Variants in EGFL6 observed in about 807,000 individuals in gnomAD.
The protein encoded by EGFL6 is EGF like domain multiple 6, also known as epidermal growth factor-like protein 6.
In EGFL6, 42 loss-of-function variants were observed where a neutral mutation model predicts 43.1. The ratio of observed to expected loss-of-function variants is 0.98; its 90% CI spans 0.76 to 1.26. The LOEUF is 1.26. EGFL6 is among the 50% of genes most tolerant of loss of function. EGFL6 has a pLI of 0.00. For synonymous variants in EGFL6, 164 were observed against 163.2 expected, an observed-to-expected ratio of 1.01 and a Z score of -0.04; for missense variants, 429 against 427.8, an observed-to-expected ratio of 1.00 and a Z score of -0.02.
intron 5 of EGFL6, among the ~76,000 whole-genome samples, chrX:13,605,437 G>A (rs1172169026): frequency 9.1e-6 from 1 of 109,418 alleles, no homozygotes; most frequent in Non-Finnish European, 1.9e-5. Flanking sequence ...AAATAGCCAG[G>A]CATGGTGGCA....
intron 5 of EGFL6, among the ~76,000 whole-genome samples, chrX:13,605,523 T>TGA (rs965190753): frequency 7.7e-5 from 8 of 104,542 alleles, no homozygotes; most frequent in African/African-American, 2.8e-4. Context: ...GTGGCTGTAG[T>TGA]GAGCCATGAT....
chrX:13,601,197 G>A (rs747902139), intron 4 of EGFL6, among the ~76,000 whole-genome samples: 4 of 111,331 alleles, frequency 3.6e-5, no homozygotes, highest in East Asian at 2.8e-4. Context: ...ATTCCTTCTC[G>A]GAACATCAAT....
intron 1 of EGFL6, 40 bp downstream of exon 1, chrX:13,569,975 G>A (rs779339638): frequency 8.4e-7 from 1 of 1,185,336 alleles, no homozygotes. Context: ...CCCACCCCCG[G>A]CCTGAGGTCC....
At chrX:13,576,159 G>A (rs750017561) in intron 1 of EGFL6, among the ~76,000 whole-genome samples, 201 of 112,472 alleles carry the variant, frequency 1.8e-3, no homozygotes, top group Non-Finnish European at 3.2e-3. Flanking sequence ...GGCTTTACAG[G>A]AAGCATAGTG....
intron 7 of EGFL6, among the ~76,000 whole-genome samples, chrX:13,616,465 C>T (rs1206340083): frequency 9.1e-6 from 1 of 110,403 alleles, no homozygotes. Context: ...CAAAAATTAG[C>T]CAGGTGTGGT....
At chrX:13,608,188 A>G in intron 6 of EGFL6, 136 bp from the exon 7 acceptor site, 6 of 805,206 alleles carry the variant, frequency 7.5e-6, no homozygotes, top group Non-Finnish European at 1.0e-5. Context: ...GCAGTTCTGA[A>G]CACCTCTCAG....
intron 7 of EGFL6, among the ~76,000 whole-genome samples, chrX:13,616,282 A>G (rs900208407): frequency 8.9e-6 from 1 of 112,161 alleles, no homozygotes; most frequent in Non-Finnish European, 1.9e-5. Context: ...CTTAAAGCAG[A>G]AATAAATCTA....
At chrX:13,595,827 C>T (rs1359751098) in intron 3 of EGFL6, among the ~76,000 whole-genome samples, 1 of 109,347 alleles carries the variant, frequency 9.1e-6, no homozygotes, top group Non-Finnish European at 1.9e-5. Context: ...TCTAGCAATC[C>T]TCCCATCTCA....
Position 13,623,931 on chromosome X carries a change from T to G in EGFL6, c.1285+6T>G, listed in dbSNP as rs201626449. ...TCCTGCTGATCGAGATAATGGTATT[T>G]ATATTTGACAGTTTCATGTTCTGCA... On this transcript the variant is annotated splice_donor_region_variant and intron_variant, in intron 10 of 11. Coordinates refer to ENST00000361306, the MANE Select transcript of EGFL6 (RefSeq NM_015507.4). The G allele has an allele frequency of 8.5e-5, 99 of 1,165,268 alleles. No homozygotes were observed. The highest frequency in any genetic ancestry group is 9.4e-6 in the Non-Finnish European group (8 of 855,005).
At position 13,606,432 on chromosome X, in the gene EGFL6, G is replaced by C. The variant is rs1187897703; in HGVS notation, c.574G>C (p.Val192Leu). ...CATCTGTCCCTACAATCGAAGATGTGTGAACACATTTGGAAGCTACTACTG... is the reference window on the plus strand; with the variant it reads ...CATCTGTCCCTACAATCGAAGATGTCTGAACACATTTGGAAGCTACTACTG... ...KVICPYNRRC[V>L]NTFGSYYCKC... Residue 192 changes from valine to leucine, a missense_variant, in exon 6 of 12, where the codon GTG (valine) becomes CTG (leucine). Coordinates refer to ENST00000361306, the MANE Select transcript of EGFL6 (RefSeq NM_015507.4). 1.7e-6 allele frequency: 2 copies of C among 1,210,882 alleles called. No homozygotes were observed. Among genetic ancestry groups the C allele is most frequent in the South Asian group, 3.5e-5 (2 of 56,954 alleles).
intron 1 of EGFL6, chrX:13,574,797 T>G (rs1159888596): frequency 8.7e-6 from 1 of 114,625 alleles, no homozygotes; most frequent in Non-Finnish European, 1.8e-5. Context: ...AAGTGAAAAG[T>G]ACATGCTGGA....
chrX:13,597,600 A>T (rs142308496), intron 3 of EGFL6, among the ~76,000 whole-genome samples: 1 of 111,590 alleles, frequency 9.0e-6, no homozygotes, highest in South Asian at 3.8e-4. Flanking sequence ...CCTGGCCAAC[A>T]TGGCAAAACC....
chrX:13,594,883 A>G lies in EGFL6; in HGVS notation c.235A>G (p.Lys79Glu). The change falls in exon 3 of 12, where the codon AAA (lysine) becomes GAA (glutamate). Residue 79 changes from lysine to glutamate, a missense_variant. Coordinates refer to ENST00000361306, the MANE Select transcript of EGFL6 (RefSeq NM_015507.4). ...CKFGECVGPN[K>E]CRCFPGYTGK... Reference sequence around the variant, plus strand: ...GTTTGGTGAGTGCGTGGGACCAAACAAATGCAGATGCTTTCCAGGATACAC... The same window carrying G: ...GTTTGGTGAGTGCGTGGGACCAAACGAATGCAGATGCTTTCCAGGATACAC... The G allele has an allele frequency of 8.3e-7, 1 of 1,211,365 alleles. No homozygotes were observed. The highest frequency in any genetic ancestry group is 1.1e-6 in the Non-Finnish European group (1 of 895,120).
At chrX:13,575,111 A>AAAACAAACAAAC (rs77669729) in intron 1 of EGFL6, 2 of 110,093 alleles carry the variant, frequency 1.8e-5, no homozygotes. Flanking sequence ...AAGCTTATTT[A>AAAACAAACAAAC]AAACAAACAA....
intron 9 of EGFL6, among the ~76,000 whole-genome samples, chrX:13,621,058 T>A (rs760151344): frequency 3.6e-5 from 4 of 112,648 alleles, no homozygotes; most frequent in Non-Finnish European, 7.5e-5. Flanking sequence ...CTTGCTTTCA[T>A]ACATAAAATT....
chrX:13,597,558 TG>T (rs1366744822), intron 3 of EGFL6, among the ~76,000 whole-genome samples: 2 of 111,309 alleles, frequency 1.8e-5, no homozygotes, highest in Non-Finnish European at 3.8e-5. Flanking sequence ...TCGAGGTGGG[TG>T]GATCACTTGA....
chrX:13,581,201 A>C (rs2045503786), intron 1 of EGFL6, among the ~76,000 whole-genome samples: 1 of 112,112 alleles, frequency 8.9e-6, no homozygotes, highest in African/African-American at 3.2e-5. Context: ...TACTATCCCT[A>C]CCAGTCATGG....
chrX:13,572,465 A>G (rs2045448370), intron 1 of EGFL6, among the ~76,000 whole-genome samples: 1 of 112,348 alleles, frequency 8.9e-6, no homozygotes, highest in Non-Finnish European at 1.9e-5. Flanking sequence ...TAAATGGCAT[A>G]TATGGATATT....
At chrX:13,578,117 A>G (rs1488770442) in intron 1 of EGFL6, among the ~76,000 whole-genome samples, 1 of 111,508 alleles carries the variant, frequency 9.0e-6, no homozygotes, top group African/African-American at 3.3e-5. Context: ...AACGTCAACA[A>G]AGATCATCAC....
Sources: allele counts gnomAD v4.1 joint callset (sites outside exome capture counted in the v4.1 genomes callset), GRCh38; gene constraint gnomAD v4.1.1; transcripts MANE v1.5; gene names NCBI Gene and HGNC (gene_info 2026-07-23, HGNC 2026-07-21).